The following TMEM14A variants were observed in gnomAD, a reference collection of about 807,000 sequenced individuals.
TMEM14A encodes the protein transmembrane protein 14A.
A neutral mutation model predicts 11.6 loss-of-function variants in TMEM14A; 8 were observed. The observed-to-expected ratio is 0.69, with a 90% CI of 0.40 to 1.24. The LOEUF is 1.24. Ranked by LOEUF, TMEM14A falls within the 50% of genes most tolerant of loss-of-function variation. The pLI is 0.01. For synonymous variants in TMEM14A, 34 were observed against 45.5 expected (o/e 0.75, Z 1.02); for missense variants, 108 against 121.9 (o/e 0.89, Z 0.54).
intron 4 of TMEM14A, among the ~76,000 whole-genome samples, chr6:52,684,774 T>G (rs2127266223): frequency 6.6e-6 from 1 of 152,350 alleles, no homozygotes; most frequent in South Asian, 2.1e-4. Context: ...TTATTTCCTT[T>G]GATAGACATT....
At chr6:52,680,692 T>TGTATATAG (rs1491306079) in intron 2 of TMEM14A, among the ~76,000 whole-genome samples, 1 of 50,276 alleles carries the variant, frequency 2.0e-5, no homozygotes, top group Non-Finnish European at 4.9e-5. Flanking sequence ...TACATATATG[T>TGTATATAG]ATATATATAT....
At chr6:52,678,621 AT>A (rs1036863184) in intron 2 of TMEM14A, among the ~76,000 whole-genome samples, 1 of 152,176 alleles carries the variant, frequency 6.6e-6, no homozygotes, top group Non-Finnish European at 1.5e-5. Flanking sequence ...AGAATCAAGC[AT>A]TCCTGCATTC....
intron 3 of TMEM14A, among the ~76,000 whole-genome samples, chr6:52,683,141 C>A (rs552573936): frequency 6.6e-6 from 1 of 152,170 alleles, no homozygotes; most frequent in Admixed American, 6.5e-5. Flanking sequence ...AAGGCGTGTT[C>A]TTTGAATAGA....
intron 1 of TMEM14A, among the ~76,000 whole-genome samples, chr6:52,672,436 T>G (rs910280952): frequency 6.6e-6 from 1 of 152,086 alleles, no homozygotes; most frequent in African/African-American, 2.4e-5. Context: ...GAAAGAACTC[T>G]CATAAGCTTC....
chr6:52,682,726 TA>T (rs1769415159), intron 3 of TMEM14A, among the ~76,000 whole-genome samples: 1 of 152,044 alleles, frequency 6.6e-6, no homozygotes. Context: ...AGTTCACAAG[TA>T]TTTATTGTCA....
At position 52,686,024 on chromosome 6, in the gene TMEM14A, T is replaced by C; in HGVS notation, c.275T>C (p.Leu92Pro). 6.2e-7 allele frequency: 1 copy of C among 1,611,744 alleles called. No homozygotes were observed. Among genetic ancestry groups the C allele is most frequent in the Non-Finnish European group, 8.5e-7 (1 of 1,178,982 alleles). Residue 92 changes from leucine (L) to proline (P), a missense_variant, in exon 5 of 5, where the codon CTG (leucine) becomes CCG (proline). Transcript: ENST00000211314. ...LVAGLSLMMI[L>P]RLVLLLL ...TTTAAATCCAGCCTCATGATGATCC[T>C]GAGACTTGTCTTGTTGCTGCTCTGA...
intron 2 of TMEM14A, among the ~76,000 whole-genome samples, chr6:52,679,157 AT>A (rs961361515): frequency 1.7e-4 from 26 of 152,182 alleles, no homozygotes; most frequent in African/African-American, 6.3e-4. Flanking sequence ...ATAGATTTTT[AT>A]TTTGATGGGG....
At position 52,680,704 on chromosome 6, in the gene TMEM14A, T is replaced by TAC. The variant is rs1554137484; in HGVS notation, c.71-1105_71-1104dup. Among the ~76,000 whole-genome samples the TAC allele has an allele frequency of 3.9e-3, 200 of 51,080 alleles. 10 individuals are homozygous for TAC. The highest frequency in any genetic ancestry group is 0.011 in the African/African-American group (185 of 17,472). 33.5% of individuals were successfully genotyped at this position (51,080 alleles called of 152,430 possible). A position where few individuals can be genotyped will look rare whatever the true frequency, so the allele number is the denominator to read the frequency against. On this transcript the variant is annotated intron_variant, in intron 2 of 4. Transcript: ENST00000211314. The stretch of plus-strand genomic sequence containing the variant: ...ATATACATATATGTATATATATATA[T>TAC]ACACATATATATATGGCATGGATGA...
At chr6:52,680,665 A>ATATATATATATGTG (rs1352415278) in intron 2 of TMEM14A, among the ~76,000 whole-genome samples, 2 of 47,208 alleles carry the variant, frequency 4.2e-5, no homozygotes, top group African/African-American at 6.6e-5. Flanking sequence ...GTGTATATAT[A>ATATATATATATGTG]TGTGTATATA....
At chr6:52,671,736 CCT>C (rs1193277774) in intron 1 of TMEM14A, among the ~76,000 whole-genome samples, 3 of 152,326 alleles carry the variant, frequency 2.0e-5, no homozygotes, top group Admixed American at 6.5e-5. Flanking sequence ...GAGGCTGTCC[CCT>C]GTCACCTTGT....
intron 4 of TMEM14A, among the ~76,000 whole-genome samples, chr6:52,684,541 T>C (rs1769457849): frequency 1.3e-5 from 2 of 152,242 alleles, no homozygotes; most frequent in African/African-American, 4.8e-5. Context: ...GTGATACAGT[T>C]ATTTCAAGTT....
At chr6:52,678,329 T>TTGTGTG (rs201993880) in intron 2 of TMEM14A, among the ~76,000 whole-genome samples, 5 of 30,086 alleles carry the variant, frequency 1.7e-4, no homozygotes, top group Non-Finnish European at 3.5e-4. Context: ...ATGTGTGTGT[T>TTGTGTG]TGTGTGTGTG....
chr6:52,683,485 A>ACAACAAC (rs199587577), intron 3 of TMEM14A, among the ~76,000 whole-genome samples: 1,653 of 86,686 alleles, frequency 0.019, 23 homozygotes, highest in Middle Eastern at 0.14. Flanking sequence ...AACAACAACA[A>ACAACAAC]AAAAAAAAAA....
intron 1 of TMEM14A, among the ~76,000 whole-genome samples, chr6:52,672,971 G>A (rs1769189760): frequency 6.6e-6 from 1 of 152,178 alleles, no homozygotes; most frequent in South Asian, 2.1e-4. Flanking sequence ...CGGGGCTTAT[G>A]TGGGTGTACA....
intron 2 of TMEM14A, among the ~76,000 whole-genome samples, chr6:52,680,665 A>ATATATATATATATG (rs1352415278): frequency 2.1e-5 from 1 of 47,208 alleles, no homozygotes; most frequent in African/African-American, 6.6e-5. Flanking sequence ...GTGTATATAT[A>ATATATATATATATG]TGTGTATATA....
In TMEM14A at chr6:52,684,966, A is replaced by C. The variant is rs866195093; in HGVS notation, c.260+801A>C. On this transcript the variant is annotated intron_variant, in intron 4 of 4. Transcript: ENST00000211314. The stretch of plus-strand genomic sequence containing the variant: ...TAATGGAATATTGAATGAGCATTAC[A>C]TTTTTATGTTTTCAAAAATGATTTG... Among the ~76,000 whole-genome samples the C allele has an allele frequency of 2.0e-5, 3 of 152,250 alleles. No individual in the cohort carries two copies. In the South Asian group the frequency reaches 6.2e-4, roughly 32 times the overall value.
chr6:52,679,039 C>G (rs115469687), intron 2 of TMEM14A, among the ~76,000 whole-genome samples: 1 of 152,188 alleles, frequency 6.6e-6, no homozygotes, highest in African/African-American at 2.4e-5. Context: ...AATCTTGGGT[C>G]GGTGAAAGAT....
chr6:52,673,094 G>A (rs1769192015), intron 1 of TMEM14A, among the ~76,000 whole-genome samples: 1 of 152,160 alleles, frequency 6.6e-6, no homozygotes, highest in Admixed American at 6.5e-5. Flanking sequence ...CCTTCTGCCA[G>A]GAACACCCTT....
At chr6:52,680,679 A>ATGTGTG (rs1283962149) in intron 2 of TMEM14A, among the ~76,000 whole-genome samples, 3 of 80,264 alleles carry the variant, frequency 3.7e-5, no homozygotes, top group Admixed American at 1.2e-4. Flanking sequence ...GTATATATAT[A>ATGTGTG]TATACATATA....
Sources: gnomAD v4.1 joint callset for allele counts (sites outside exome capture counted in the v4.1 genomes callset) on GRCh38, gnomAD v4.1.1 for gene constraint, MANE v1.5 for transcripts, NCBI Gene and HGNC (gene_info 2026-07-23, HGNC 2026-07-21) for gene names.